Variants in CFAP65 observed in about 807,000 individuals in gnomAD.
CFAP65 encodes cilia and flagella associated protein 65.
Under a neutral mutation model 208.0 loss-of-function variants are expected in CFAP65, and 155 were observed. The ratio of observed to expected loss-of-function variants is 0.75; its 90% CI spans 0.65 to 0.85. The LOEUF (loss-of-function observed/expected upper bound fraction) is 0.85, where lower values mean the gene tolerates loss of function less well. Ranked by LOEUF, CFAP65 falls within the 40% of genes least tolerant of loss-of-function variation. CFAP65 has a pLI of 0.00. For missense variants in CFAP65, 2,294 were observed against 2,451.3 expected (o/e 0.94, Z 1.36); for synonymous variants, 970 against 986.3 (o/e 0.98, Z 0.31).
chr2:219,024,025 TG>T lies in CFAP65; in HGVS notation c.2584del (p.Gln862SerfsTer6). On this transcript the variant is annotated frameshift_variant, in exon 15 of 35. Coordinates refer to ENST00000341552, the MANE Select transcript of CFAP65 (RefSeq NM_194302.4). LOFTEE classifies it high-confidence loss of function. ...TFYLQCNASP[Q>X]YLKEVSMYSR... ...CCCTCTGCCTCCTACCTTGAGATAC[TG>T]GGGGGAAGCATTGCACTGCAGATAG... 3 of 1,613,422 alleles carry T rather than the reference TG, an allele frequency of 1.9e-6. No homozygotes were observed. Among genetic ancestry groups the T allele is most frequent in the Non-Finnish European group, 2.5e-6 (3 of 1,179,662 alleles).
At position 219,030,146 on chromosome 2, in the gene CFAP65, T is replaced by G; in HGVS notation, c.1224A>C (p.Ser408=). 6.2e-7 allele frequency: 1 copy of G among 1,614,116 alleles called. No homozygotes were observed. Among genetic ancestry groups the G allele is most frequent in the South Asian group, 1.1e-5 (1 of 91,086 alleles). The change falls in exon 10 of 35, where the codon TCA becomes TCC. Residue 408 remains serine (S), a synonymous_variant. Coordinates refer to ENST00000341552, the MANE Select transcript of CFAP65 (RefSeq NM_194302.4). Reference sequence around the variant, plus strand: ...GCACGATGCCATGGGCCGTGGGGCATGAGAAGGCCTGGTCTTCGGCCAGTT... The same window carrying G: ...GCACGATGCCATGGGCCGTGGGGCAGGAGAAGGCCTGGTCTTCGGCCAGTT... ...PDELAEDQAF[S]CPTAHGIVLP... is the part of the protein sequence containing the mutation.
intron 18 of CFAP65, 149 bp from the exon 19 acceptor site, chr2:219,021,429 G>A (rs1354676027): frequency 7.0e-6 from 7 of 998,240 alleles, no homozygotes; most frequent in Admixed American, 6.7e-5. Flanking sequence ...TCCCAGCCTG[G>A]GTCAGAGGGA....
chr2:219,037,024 T>C (rs1235340801), intron 4 of CFAP65, among the ~76,000 whole-genome samples: 2 of 152,174 alleles, frequency 1.3e-5, no homozygotes, highest in African/African-American at 2.4e-5. Flanking sequence ...GGAGGTAATT[T>C]ACTATAATAT....
chr2:219,010,180 G>C, intron 26 of CFAP65, 95 bp from the exon 27 acceptor site: 1 of 1,274,702 alleles, frequency 7.8e-7, no homozygotes, highest in Non-Finnish European at 1.1e-6. Flanking sequence ...AAGGTGGGAG[G>C]ATCACGAGGT....
At chr2:219,008,438 G>T (rs1191678025) in intron 29 of CFAP65, among the ~76,000 whole-genome samples, 2 of 152,176 alleles carry the variant, frequency 1.3e-5, no homozygotes, top group Non-Finnish European at 2.9e-5. Context: ...AAGCCACAGT[G>T]TCTTCCACCA....
At chr2:219,022,877 C>T (rs1443386135) in intron 16 of CFAP65, among the ~76,000 whole-genome samples, 2 of 152,230 alleles carry the variant, frequency 1.3e-5, no homozygotes, top group East Asian at 1.9e-4. Flanking sequence ...GCTGCTGCAA[C>T]CCACCCTCCC....
Position 219,040,850 on chromosome 2 carries a change from G to C in CFAP65, c.-48-286C>G, listed in dbSNP as rs906320983. 4.6e-5 allele frequency among the ~76,000 whole-genome samples: 7 copies of C among 152,292 alleles called. No individual in the cohort carries two copies. In the East Asian group the frequency reaches 1.3e-3, roughly 29 times the overall value. ...CATCTTCTCAGACTCTACGGGGATAGGCAAATTTCTCCATCTCCCGGAGCC... is the reference window on the plus strand; with the variant it reads ...CATCTTCTCAGACTCTACGGGGATACGCAAATTTCTCCATCTCCCGGAGCC... On this transcript the variant is annotated intron_variant, in intron 1 of 34. Coordinates refer to ENST00000341552, the MANE Select transcript of CFAP65 (RefSeq NM_194302.4).
rs5838715 is a variant in CFAP65 at position 219,031,925 on chromosome 2, C to CTTT, written c.646-270_646-268dup. ...ATGTAGAAGGGGTTTCTTTTCTTTT[C>CTTT]TTTTTTTTTTTTTTTTTTTGAGTCT... On this transcript the variant is annotated intron_variant, in intron 6 of 34. Transcript: ENST00000341552. This position sits in a 1 kb window ranked among gnomAD's most constrained non-coding sequence, Gnocchi z 5.2. 2.3e-5 allele frequency among the ~76,000 whole-genome samples: 3 copies of CTTT among 131,386 alleles called. No individual in the cohort carries two copies. Among genetic ancestry groups the CTTT allele is most frequent in the Non-Finnish European group, 3.3e-5 (2 of 60,880 alleles). The allele number at this position is 131,386 out of a possible 152,430, so 86.2% of individuals were successfully genotyped here. A position where few individuals can be genotyped will look rare whatever the true frequency, so the allele number is the denominator to read the frequency against.
intron 30 of CFAP65, 118 bp from the exon 31 acceptor site, chr2:219,006,341 A>G (rs1259956779): frequency 6.8e-7 from 1 of 1,472,056 alleles, no homozygotes; most frequent in East Asian, 2.3e-5. Context: ...GTGTGACCCC[A>G]CTCATTGGCA....
chr2:219,026,492 C>A, intron 13 of CFAP65: 1 of 220,534 alleles, frequency 4.5e-6, no homozygotes. Flanking sequence ...AAATGCCAGC[C>A]GCAAATGTCA....
chr2:219,038,914 C>T lies in CFAP65; in HGVS notation c.135G>A (p.Glu45=), dbSNP rs1948518740. The T allele has an allele frequency of 6.2e-7, 1 of 1,610,606 alleles. No individual in the cohort carries two copies. Among genetic ancestry groups the T allele is most frequent in the Non-Finnish European group, 8.5e-7 (1 of 1,178,476 alleles). Residue 45 remains glutamate (E), a synonymous_variant, in exon 3 of 35, where the codon GAG becomes GAA. Transcript: ENST00000341552. ...GCATTACCTTTATCTGGCTTTTACT[C>T]TCTGCTTGTTTCTTCTGAACACTCT... ...RGKSVQKKQA[E]SKSQIKLHTQ... is the part of the protein sequence containing the mutation.
rs150427009 is a variant in CFAP65 at position 219,010,594 on chromosome 2, G to C, written c.4260C>G (p.Ser1420=). 1.5e-4 allele frequency: 240 copies of C among 1,611,908 alleles called. 1 individual carries two copies. In the African/African-American group the frequency reaches 2.6e-3, roughly 17 times the overall value. The change falls in exon 26 of 35, where the codon TCC becomes TCG. Residue 1420 remains serine, a synonymous_variant. Transcript: ENST00000341552. ...AGTGTATGGAACTGTTGTCCCACGAGGAGATGTTGTGGAATGGGGCTGTGT... is the reference window on the plus strand; with the variant it reads ...AGTGTATGGAACTGTTGTCCCACGACGAGATGTTGTGGAATGGGGCTGTGT... The part of the protein sequence containing the change: ...MGDTAPFHNI[S]SWDNSSIHSR...
Position 219,006,285 on chromosome 2 carries a change from G to T in CFAP65, c.4720-62C>A, listed in dbSNP as rs982559730. ...GGCACCACATTCACATCACCAATGG[G>T]GTCCCTTGACCTAGTTCCCCCACAG... On this transcript the variant is annotated intron_variant, in intron 30 of 34. Coordinates refer to ENST00000341552, the MANE Select transcript of CFAP65 (RefSeq NM_194302.4). The T allele has an allele frequency of 3.2e-6, 5 of 1,547,024 alleles. No homozygotes were observed. The African/African-American group carries it at 5.5e-5, about 17-fold the overall frequency.
rs1002558715 is a variant in CFAP65, at chr2:219,024,371, T to C, written c.2350-111A>G. The C allele has an allele frequency of 3.0e-6, 4 of 1,350,804 alleles. No individual in the cohort carries two copies. In the Admixed American group the frequency reaches 9.6e-5, roughly 33 times the overall value. The allele number at this position is 1,350,804 out of a possible 1,614,324, so 83.7% of individuals were successfully genotyped here. A position where few individuals can be genotyped will look rare whatever the true frequency, so the allele number is the denominator to read the frequency against. ...GAGCTGTCTCCAAGTAGATCAGAGG[T>C]GCTGCCCTGCAGCCCAGTCAACGCC... On this transcript the variant is annotated intron_variant, in intron 14 of 34. Coordinates refer to ENST00000341552, the MANE Select transcript of CFAP65 (RefSeq NM_194302.4).
chr2:219,025,246 G>C (rs1374152883), intron 14 of CFAP65, among the ~76,000 whole-genome samples: 1 of 152,170 alleles, frequency 6.6e-6, no homozygotes, highest in African/African-American at 2.4e-5. Flanking sequence ...GGGAGACATC[G>C]AGGGGGACTC....
At position 219,016,289 on chromosome 2, in the gene CFAP65, CTTTTTTTTTTTT is replaced by C. The variant is rs5838714; in HGVS notation, c.3603-2257_3603-2246del. On this transcript the variant is annotated intron_variant, in intron 21 of 34. Transcript: ENST00000341552. ...CTTCTGCCCTGGTCCAGTCTCCCTC[CTTTTTTTTTTTT>C]TTTTTTTTTTTTTGAGACAGTCTCA... Among the ~76,000 whole-genome samples, 41 of 85,556 alleles carry C rather than the reference CTTTTTTTTTTTT, an allele frequency of 4.8e-4. 1 individual carries two copies. The highest frequency in any genetic ancestry group is 4.7e-3 in the Admixed American group (32 of 6,768). The allele number at this position is 85,556 out of a possible 152,430, so 56.1% of individuals were successfully genotyped here. A position where few individuals can be genotyped will look rare whatever the true frequency, so the allele number is the denominator to read the frequency against.
chr2:219,010,900 T>C lies in CFAP65; in HGVS notation c.4054A>G (p.Ile1352Val), dbSNP rs1380652092. 2.0e-5 allele frequency: 32 copies of C among 1,613,762 alleles called. No homozygotes were observed. The highest frequency in any genetic ancestry group is 6.7e-5 in the African/African-American group (5 of 74,936). ...CCTTTGGGGTTGAGGCAGCAAAAGA[T>C]GGGGTGATCAAAATTTTTTTCCTGA... Reference protein sequence around the residue: ...QVQEKNFDHPIFCCLNPKGEI... With the variant: ...QVQEKNFDHPVFCCLNPKGEI... Residue 1352 changes from isoleucine (I) to valine (V), a missense_variant, in exon 25 of 35, where the codon ATC becomes GTC. By Grantham distance (29) the Ile-to-Val change is conservative. This residue lies in a region of CFAP65 where 1,427 missense variants were observed against 1,438.7 expected (regional missense o/e 0.99). Coordinates refer to ENST00000341552, the MANE Select transcript of CFAP65 (RefSeq NM_194302.4).
chr2:219,039,549 G>A (rs936487934), intron 2 of CFAP65, among the ~76,000 whole-genome samples: 2 of 152,132 alleles, frequency 1.3e-5, no homozygotes, highest in African/African-American at 4.8e-5. Flanking sequence ...ATAGAACATG[G>A]CACTGCCCCC....
At chr2:219,005,998 C>T (rs1365987166) in intron 31 of CFAP65, 23 bp downstream of exon 31, 1 of 1,608,606 alleles carries the variant, frequency 6.2e-7, no homozygotes, top group Admixed American at 1.7e-5. Flanking sequence ...AGGAAGGTGA[C>T]CCCTGCCTTC....
Sources: gnomAD v4.1 joint callset for allele counts (sites outside exome capture counted in the v4.1 genomes callset) on GRCh38, gnomAD v4.1.1 for gene constraint, gnomAD v4.1.1 regional missense constraint, Gnocchi (gnomAD v3.1) non-coding constraint, MANE v1.5 for transcripts, NCBI Gene and HGNC (gene_info 2026-07-23, HGNC 2026-07-21) for gene names.